ITGA7: variants seen among roughly 807,000 people sequenced by gnomAD.
ITGA7 encodes integrin alpha-7.
A neutral mutation model predicts 131.6 loss-of-function variants in ITGA7; 84 were observed. That is an observed-to-expected ratio of 0.64 (90% CI 0.54 to 0.77). ITGA7 has a LOEUF of 0.77. Ranked by LOEUF, ITGA7 falls within the 30% of genes least tolerant of loss-of-function variation. The pLI, the probability that ITGA7 is intolerant of heterozygous loss-of-function variation, is 0.00. For synonymous variants in ITGA7, 548 were observed against 600.7 expected (o/e 0.91, Z 1.28); for missense variants, 1,399 against 1,482.9 (o/e 0.94, Z 0.93).
At chr12:55,696,116 C>T (rs1353438490) in intron 13 of ITGA7, among the ~76,000 whole-genome samples, 167 bp downstream of exon 13, 1 of 152,186 alleles carries the variant, frequency 6.6e-6, no homozygotes, top group Non-Finnish European at 1.5e-5. Flanking sequence ...GGAGCTCTGT[C>T]CCCTTGACTA....
chr12:55,710,287 G>C (rs931863641), upstream of ITGA7, among the ~76,000 whole-genome samples: 6 of 152,064 alleles, frequency 3.9e-5, no homozygotes, highest in Non-Finnish European at 8.8e-5. Flanking sequence ...CTTAAACCCA[G>C]GAGACGGAGG....
upstream of ITGA7, chr12:55,708,027 G>T: frequency 2.5e-6 from 3 of 1,187,290 alleles, no homozygotes; most frequent in South Asian, 1.9e-5. Flanking sequence ...TGGTGGCTGG[G>T]ATGGAAACTA....
chr12:55,706,214 G>T (rs1875148245), intron 1 of ITGA7, among the ~76,000 whole-genome samples: 4 of 152,234 alleles, frequency 2.6e-5, no homozygotes, highest in Non-Finnish European at 5.9e-5. Flanking sequence ...GAGAAGGAGG[G>T]AGGAAGGGAG....
chr12:55,698,830 G>C lies in ITGA7; in HGVS notation c.878C>G (p.Ala293Gly). The C allele has an allele frequency of 6.2e-7, 1 of 1,614,012 alleles. No homozygotes were observed. The highest frequency in any genetic ancestry group is 8.5e-7 in the Non-Finnish European group (1 of 1,180,000). Residue 293 changes from alanine (A) to glycine (G), a missense_variant, in exon 6 of 25, where the codon GCT (alanine) becomes GGT (glycine). Coordinates refer to ENST00000257879, the MANE Select transcript of ITGA7 (RefSeq NM_002206.3). ...GCTGTCCTTGCGCAGGATGACCACA[G>C]CACCCTTGTGGTTGGCGCGGGGGGC... ...AGAPRANHKG[A>G]VVILRKDSAS...
rs1872773214 is a variant in ITGA7, at chr12:55,697,071, G to A, written c.1568-3C>T. 6.2e-7 allele frequency: 1 copy of A among 1,613,382 alleles called. No individual in the cohort carries two copies. Among genetic ancestry groups the A allele is most frequent in the Non-Finnish European group, 8.5e-7 (1 of 1,179,654 alleles). Reference sequence around the variant, plus strand: ...CGCATCTAACACATAGTCCAGGGCTGTGGCATGTTGGGAAAGGAGGAGCTG... The same window carrying A: ...CGCATCTAACACATAGTCCAGGGCTATGGCATGTTGGGAAAGGAGGAGCTG... On this transcript the variant is annotated splice_polypyrimidine_tract_variant and splice_region_variant and intron_variant, in intron 11 of 24. Transcript: ENST00000257879.
intron 4 of ITGA7, chr12:55,700,502 C>T: frequency 7.5e-7 from 1 of 1,331,218 alleles, no homozygotes; most frequent in Non-Finnish European, 1.0e-6. Context: ...TCTTTCTAGC[C>T]CTCTCCCCAC....
intron 19 of ITGA7, 138 bp downstream of exon 19, chr12:55,693,883 G>A: frequency 4.1e-6 from 3 of 729,582 alleles, no homozygotes; most frequent in Non-Finnish European, 7.4e-6. Flanking sequence ...CACAGCCAAG[G>A]TCCATATGCA....
At chr12:55,688,730 A>T (rs1356244085) in intron 22 of ITGA7, 114 bp downstream of exon 22, 10 of 812,524 alleles carry the variant, frequency 1.2e-5, no homozygotes, top group Middle Eastern at 5.8e-4. Flanking sequence ...CTCAAAAAAA[A>T]AAAAAAGGGG....
At chr12:55,715,811 G>A, upstream of ITGA7, 1 of 480,572 alleles carries the variant, frequency 2.1e-6, no homozygotes, top group Non-Finnish European at 3.6e-6. Context: ...CAATTAAACG[G>A]TGATAGACGG....
chr12:55,711,982 C>A, upstream of ITGA7: 1 of 1,154,308 alleles, frequency 8.7e-7, no homozygotes, highest in Non-Finnish European at 1.3e-6. Flanking sequence ...CATCTGGCAA[C>A]AGAGCCTTGG....
At position 55,701,157 on chromosome 12, in the gene ITGA7, G is replaced by C. The variant is rs768682336; in HGVS notation, c.415-3C>G. Reference sequence around the variant, plus strand: ...GCCTCATATCGGTGTGCACAGGTCTGGGGGAGGAAGGGATGGGGATCATTT... The same window carrying C: ...GCCTCATATCGGTGTGCACAGGTCTCGGGGAGGAAGGGATGGGGATCATTT... On this transcript the variant is annotated splice_region_variant and splice_polypyrimidine_tract_variant and intron_variant, in intron 3 of 24. Coordinates refer to ENST00000257879, the MANE Select transcript of ITGA7 (RefSeq NM_002206.3). 1.9e-6 allele frequency: 3 copies of C among 1,614,158 alleles called. No individual in the cohort carries two copies. Among genetic ancestry groups the C allele is most frequent in the South Asian group, 1.1e-5 (1 of 91,086 alleles).
In ITGA7 at chr12:55,694,789, G is replaced by A. The variant is rs1872271235; in HGVS notation, c.2185C>T (p.Leu729=). Residue 729 remains leucine, a synonymous_variant, in exon 15 of 25, where the codon CTG becomes TTG. Coordinates refer to ENST00000257879, the MANE Select transcript of ITGA7 (RefSeq NM_002206.3). The surrounding 1 kb of genome is among the most constrained non-coding windows in gnomAD (Gnocchi z 5.3). ...DSLHYSGVRA[L]DPAEKPLCLS... ...CCCCAGGTCCTCACCGCAGGGTCCA[G>A]GGCCCGGACCCCTGAGTAGTGCAGT... The A allele has an allele frequency of 6.2e-7, 1 of 1,613,670 alleles. No homozygotes were observed. The highest frequency in any genetic ancestry group is 8.5e-7 in the Non-Finnish European group (1 of 1,179,940).
At chr12:55,702,232 C>A (rs1874200027) in intron 3 of ITGA7, among the ~76,000 whole-genome samples, 1 of 150,258 alleles carries the variant, frequency 6.7e-6, no homozygotes, top group African/African-American at 2.4e-5. Flanking sequence ...CAGGCTGGAG[C>A]GCAGTGGCGC....
upstream of ITGA7, among the ~76,000 whole-genome samples, chr12:55,715,005 C>A (rs991010016): frequency 6.6e-6 from 1 of 151,698 alleles, no homozygotes; most frequent in Non-Finnish European, 1.5e-5. Flanking sequence ...GGATTACAGG[C>A]TTGTGCCACT....
At position 55,696,883 on chromosome 12, in the gene ITGA7, A is replaced by C. The variant is rs202160006; in HGVS notation, c.1737+16T>G. ...CCATGAAAATGACCCTCAGAAGCCA[A>C]GGGGTCAGTGTCCACCTGGAGCTGG... On this transcript the variant is annotated intron_variant, in intron 12 of 24. Coordinates refer to ENST00000257879, the MANE Select transcript of ITGA7 (RefSeq NM_002206.3). 1.9e-4 allele frequency: 300 copies of C among 1,613,884 alleles called. 2 individuals carry two copies. The East Asian group carries it at 5.7e-3, about 31-fold the overall frequency.
intron 5 of ITGA7, 166 bp downstream of exon 5, chr12:55,699,704 C>T: frequency 3.3e-6 from 3 of 908,644 alleles, no homozygotes; most frequent in South Asian, 3.0e-5. Context: ...CCTCTTAGGC[C>T]TGATCATTGG....
intron 4 of ITGA7, chr12:55,700,567 G>A (rs1319746020): frequency 3.0e-5 from 22 of 722,220 alleles, no homozygotes; most frequent in Non-Finnish European, 4.1e-5. Context: ...CACACTCACC[G>A]AGTGTCAGCT....
chr12:55,686,004 C>G (rs979837931), intron 24 of ITGA7, among the ~76,000 whole-genome samples: 1 of 152,222 alleles, frequency 6.6e-6, no homozygotes, highest in African/African-American at 2.4e-5. Flanking sequence ...GCCCACCAAC[C>G]CTTTGTGCAC....
At chr12:55,706,317 C>T (rs946839160) in intron 1 of ITGA7, among the ~76,000 whole-genome samples, 10 of 152,224 alleles carry the variant, frequency 6.6e-5, no homozygotes, top group Middle Eastern at 6.8e-3. Context: ...TTGGGGACCA[C>T]CGACCCTGCT....
Sources: allele counts gnomAD v4.1 joint callset (sites outside exome capture counted in the v4.1 genomes callset), GRCh38; gene constraint gnomAD v4.1.1; non-coding constraint Gnocchi (gnomAD v3.1); transcripts MANE v1.5; gene names NCBI Gene and HGNC (gene_info 2026-07-23, HGNC 2026-07-21).